ADGRL3: variants seen among roughly 807,000 people sequenced by gnomAD.
ADGRL3 encodes adhesion G protein-coupled receptor L3.
A neutral mutation model predicts 153.5 loss-of-function variants in ADGRL3; 62 were observed. That is an observed-to-expected ratio of 0.40 (90% CI 0.33 to 0.50). ADGRL3 has a LOEUF of 0.50. Ranked by LOEUF, ADGRL3 falls within the 20% of genes least tolerant of loss-of-function variation. The probability of loss-of-function intolerance (pLI) is 0.47; values close to 1 mark genes in which losing one functional copy is unlikely to be tolerated. For synonymous variants in ADGRL3, 710 were observed against 672.5 expected (o/e 1.06, Z -0.86); for missense variants, 1,641 against 1,859.4 (o/e 0.88, Z 2.16).
chr4:62,013,611 C>T (rs1329728356), intron 21 of ADGRL3, among the ~76,000 whole-genome samples: 3 of 151,772 alleles, frequency 2.0e-5, no homozygotes, highest in Non-Finnish European at 1.5e-5. Flanking sequence ...AAAAAACGGC[C>T]GGGCATGGTG....
chr4:61,713,448 C>G (rs2096042683), intron 6 of ADGRL3, among the ~76,000 whole-genome samples: 2 of 151,964 alleles, frequency 1.3e-5, no homozygotes, highest in South Asian at 4.1e-4. Context: ...AAGTTCCTTT[C>G]TAATTTACTG....
chr4:61,260,852 A>T (rs753212902), intron 1 of ADGRL3, among the ~76,000 whole-genome samples: 1 of 152,026 alleles, frequency 6.6e-6, no homozygotes, highest in African/African-American at 2.4e-5. Flanking sequence ...CAGCCTCCCA[A>T]GTAGTTGGGA....
At chr4:61,889,553 G>A (rs1011614655) in intron 9 of ADGRL3, among the ~76,000 whole-genome samples, 7 of 152,016 alleles carry the variant, frequency 4.6e-5, no homozygotes, top group African/African-American at 1.7e-4. Flanking sequence ...CTGGAAAAAG[G>A]TAGAGAATGA....
At chr4:61,708,719 C>T (rs936681044) in intron 6 of ADGRL3, among the ~76,000 whole-genome samples, 13 of 152,038 alleles carry the variant, frequency 8.6e-5, no homozygotes, top group African/African-American at 1.9e-4. Context: ...TCTATTTATA[C>T]GGGTTTTTTC....
chr4:61,903,929 A>T (rs1340183038), intron 11 of ADGRL3, among the ~76,000 whole-genome samples: 2 of 149,044 alleles, frequency 1.3e-5, no homozygotes, highest in Non-Finnish European at 3.0e-5. Flanking sequence ...GCCCTGAGAA[A>T]TTTTTTTTTT....
At chr4:61,484,446 G>A (rs72636173) in intron 2 of ADGRL3, among the ~76,000 whole-genome samples, 8,904 of 152,096 alleles carry the variant, frequency 0.059, 373 homozygotes, top group Middle Eastern at 0.13. Context: ...AATTTTGCGA[G>A]GATTTAAATA....
At chr4:61,504,546 A>C (rs547785240) in intron 3 of ADGRL3, among the ~76,000 whole-genome samples, 1 of 152,244 alleles carries the variant, frequency 6.6e-6, no homozygotes, top group Admixed American at 6.5e-5. Flanking sequence ...AATATACAAT[A>C]AATTATTGTT....
In ADGRL3 at chr4:61,987,432, G is replaced by A. The variant is rs558912897; in HGVS notation, c.3236+3829G>A. Among the ~76,000 whole-genome samples the A allele has an allele frequency of 5.9e-5, 9 of 151,964 alleles. No individual in the cohort carries two copies. The South Asian group carries it at 1.7e-3, about 28-fold the overall frequency. On this transcript the variant is annotated intron_variant, in intron 19 of 26. Transcript: ENST00000683033. ...TCAGGTGATCTGCCAGCCTTGTCCT[G>A]CCAAAGTGCTGGGATTACAGGTGTG...
chr4:61,824,907 T>G (rs182374937), intron 9 of ADGRL3, among the ~76,000 whole-genome samples: 1 of 152,186 alleles, frequency 6.6e-6, no homozygotes, highest in Non-Finnish European at 1.5e-5. Flanking sequence ...TTTTTTGAGA[T>G]CTTTTAGTAG....
At chr4:61,615,452 C>T (rs1023065168) in intron 5 of ADGRL3, among the ~76,000 whole-genome samples, 1 of 151,658 alleles carries the variant, frequency 6.6e-6, no homozygotes, top group African/African-American at 2.4e-5. Flanking sequence ...TAAGGGGAAG[C>T]TTCAAAAAAG....
intron 8 of ADGRL3, among the ~76,000 whole-genome samples, chr4:61,755,115 A>G (rs1393355090): frequency 1.3e-5 from 2 of 152,118 alleles, no homozygotes; most frequent in South Asian, 2.1e-4. Context: ...ATGATTTATA[A>G]TCTTTTGGGT....
chr4:61,782,400 T>C (rs1301332291), intron 8 of ADGRL3, among the ~76,000 whole-genome samples: 1 of 152,182 alleles, frequency 6.6e-6, no homozygotes, highest in Non-Finnish European at 1.5e-5. Flanking sequence ...CAGCATTGCT[T>C]ATGGTAATGA....
chr4:61,915,102 A>G (rs2098739176), intron 13 of ADGRL3, among the ~76,000 whole-genome samples: 1 of 151,984 alleles, frequency 6.6e-6, no homozygotes, highest in African/African-American at 2.4e-5. Flanking sequence ...GAGAATTTCA[A>G]CATTGAACAG....
At chr4:61,395,035 T>G (rs186074330) in intron 2 of ADGRL3, among the ~76,000 whole-genome samples, 1 of 152,178 alleles carries the variant, frequency 6.6e-6, no homozygotes, top group Non-Finnish European at 1.5e-5. Context: ...TGAAGAAATC[T>G]TCAGTGTTAT....
In ADGRL3 at chr4:61,497,304, C is replaced by T. The variant is rs1453660298; in HGVS notation, c.11C>T (p.Ser4Leu). ...CCTGAGTAGACAGCCATGTGGCCAT[C>T]GCAGCTACTAATTTTCATGATGCTC... Reference protein sequence around the residue: MWPSQLLIFMMLLA... With the variant: MWPLQLLIFMMLLA... The change falls in exon 3 of 27, where the codon TCG becomes TTG. Residue 4 changes from serine to leucine, a missense_variant. By Grantham distance (145) the Ser-to-Leu change is moderately radical. Around this residue, in one of 5 missense-constraint regions of ADGRL3, gnomAD observed 145 missense variants for 79.1 expected, o/e 1.83. Coordinates refer to ENST00000683033, the MANE Select transcript of ADGRL3 (RefSeq NM_001387552.1). 8 of 1,602,670 alleles carry T rather than the reference C, an allele frequency of 5.0e-6. No individual in the cohort carries two copies. The East Asian group carries it at 9.0e-5, about 18-fold the overall frequency.
intron 1 of ADGRL3, among the ~76,000 whole-genome samples, chr4:61,295,103 C>T (rs1009311575): frequency 1.3e-5 from 2 of 152,094 alleles, no homozygotes; most frequent in African/African-American, 4.8e-5. Context: ...TGCTTTGTCC[C>T]TCCTGAGACA....
At chr4:61,392,742 C>T (rs1448501427) in intron 2 of ADGRL3, among the ~76,000 whole-genome samples, 1 of 113,882 alleles carries the variant, frequency 8.8e-6, no homozygotes. Context: ...AAAAGAGTCT[C>T]ATGAGAAAAT....
Position 61,947,026 on chromosome 4 carries a change from T to C in ADGRL3, c.2532T>C (p.Ile844=), listed in dbSNP as rs558386483. Residue 844 remains isoleucine (I), a synonymous_variant, in exon 16 of 27, where the codon ATT becomes ATC. Transcript: ENST00000683033. ...TEALSTNHSV[I]VNSPVITAAI... ...CTTTGTCCACAAATCATTCTGTTAT[T>C]GTCAATTCCCCTGTTATTACGGCAG... is the stretch of plus-strand genomic sequence containing the variant. The C allele has an allele frequency of 1.2e-6, 2 of 1,613,844 alleles. No homozygotes were observed. Among genetic ancestry groups the C allele is most frequent in the Non-Finnish European group, 1.7e-6 (2 of 1,179,796 alleles).
At chr4:61,315,198 A>G (rs2095163541) in intron 1 of ADGRL3, among the ~76,000 whole-genome samples, 1 of 152,194 alleles carries the variant, frequency 6.6e-6, no homozygotes, top group South Asian at 2.1e-4. Flanking sequence ...GATATGGTTG[A>G]GTCTAGACAG....
Sources: gnomAD v4.1 joint callset for allele counts (sites outside exome capture counted in the v4.1 genomes callset) on GRCh38, gnomAD v4.1.1 for gene constraint, gnomAD v4.1.1 regional missense constraint, MANE v1.5 for transcripts, NCBI Gene and HGNC (gene_info 2026-07-23, HGNC 2026-07-21) for gene names.